GPRC6A: variants seen among roughly 807,000 people sequenced by gnomAD.
GPRC6A encodes the protein G protein-coupled receptor family C group 6 member A.
A neutral mutation model predicts 47.0 loss-of-function variants in GPRC6A; 54 were observed. The observed-to-expected ratio is 1.15, with a 90% CI of 0.92 to 1.44. The LOEUF (loss-of-function observed/expected upper bound fraction) is 1.44. Among genes scored for constraint, GPRC6A ranks in the 40% most tolerant of loss-of-function variants. The pLI is 0.00. For missense variants in GPRC6A, 1,112 were observed against 1,105.5 expected (o/e 1.01, Z -0.08); for synonymous variants, 347 against 377.1 (o/e 0.92, Z 0.93).
Position 116,792,847 on chromosome 6 carries a change from G to T in GPRC6A, c.2076C>A (p.Pro692=). 1.2e-6 allele frequency: 2 copies of T among 1,614,054 alleles called. No homozygotes were observed. The highest frequency in any genetic ancestry group is 1.7e-6 in the Non-Finnish European group (2 of 1,179,972). ...LKILLAFSFD[P]KLQKFLKCLY... is the part of the protein sequence containing the mutation. ...GGCACTTCAGAAATTTCTGTAATTT[G>T]GGATCAAAGCTGAAGGCTAGCAAAA... The change falls in exon 6 of 6, where the codon CCC becomes CCA. Residue 692 remains proline (P), a synonymous_variant. Coordinates refer to ENST00000310357, the MANE Select transcript of GPRC6A (RefSeq NM_148963.4).
intron 3 of GPRC6A, among the ~76,000 whole-genome samples, chr6:116,801,835 C>A (rs1459921630): frequency 1.3e-5 from 2 of 151,890 alleles, no homozygotes; most frequent in African/African-American, 4.8e-5. Context: ...TTTAAAGAAG[C>A]AGGATATCAG....
chr6:116,803,077 C>T (rs1193646049), intron 3 of GPRC6A, among the ~76,000 whole-genome samples: 1 of 152,072 alleles, frequency 6.6e-6, no homozygotes, highest in East Asian at 1.9e-4. Context: ...CTTACTCCCA[C>T]CAGACCTCCA....
At position 116,792,120 on chromosome 6, in the gene GPRC6A, T is replaced by C. The variant is rs753246878; in HGVS notation, c.*22A>G. Reference sequence around the variant, plus strand: ...ACCCTGGAAACATTTTATTCTGGAATGTGGCATCTCCTAAGGCTTATTCAT... The same window carrying C: ...ACCCTGGAAACATTTTATTCTGGAACGTGGCATCTCCTAAGGCTTATTCAT... On this transcript the variant is annotated 3_prime_UTR_variant, in exon 6 of 6. Coordinates refer to ENST00000310357, the MANE Select transcript of GPRC6A (RefSeq NM_148963.4). The C allele has an allele frequency of 3.8e-6, 6 of 1,570,278 alleles. No individual in the cohort carries two copies. Among genetic ancestry groups the C allele is most frequent in the Non-Finnish European group, 4.3e-6 (5 of 1,154,946 alleles).
At chr6:116,799,583 G>A (rs762144083) in intron 4 of GPRC6A, among the ~76,000 whole-genome samples, 3 of 152,170 alleles carry the variant, frequency 2.0e-5, no homozygotes, top group Non-Finnish European at 4.4e-5. Flanking sequence ...TCGATGGATT[G>A]AAGAGGATTC....
In GPRC6A at chr6:116,792,608, T is replaced by C. The variant is rs146895917; in HGVS notation, c.2315A>G (p.Lys772Arg). The change falls in exon 6 of 6, where the codon AAA (lysine) becomes AGA (arginine). Residue 772 changes from lysine (K) to arginine (R), a missense_variant. Coordinates refer to ENST00000310357, the MANE Select transcript of GPRC6A (RefSeq NM_148963.4). ...LAFICFIFAF[K>R]GKYENYNEAK... is the part of the protein sequence containing the mutation. Reference sequence around the variant, plus strand: ...TTCATTGTAATTCTCATATTTGCCTTTGAAAGCAAATATGAAGCAAATGAA... The same window carrying C: ...TTCATTGTAATTCTCATATTTGCCTCTGAAAGCAAATATGAAGCAAATGAA... 9.2e-6 allele frequency: 14 copies of C among 1,522,536 alleles called. No individual in the cohort carries two copies. The highest frequency in any genetic ancestry group is 1.2e-5 in the Non-Finnish European group (14 of 1,128,026). The allele number at this position is 1,522,536 out of a possible 1,614,324, so 94.3% of individuals were successfully genotyped here. A position where few individuals can be genotyped will look rare whatever the true frequency, so the allele number is the denominator to read the frequency against.
intron 3 of GPRC6A, among the ~76,000 whole-genome samples, chr6:116,804,385 G>A (rs1772774616): frequency 6.6e-6 from 1 of 152,072 alleles, no homozygotes; most frequent in African/African-American, 2.4e-5. Context: ...TTAAATATTA[G>A]TGAATTTTGC....
rs549099309 is a variant in GPRC6A at position 116,795,914 on chromosome 6, T to TA, written c.1549-80dup. ...CTAATCGATTATCCTCGGCTTAACT[T>TA]AAAGATATATTTACTAAATACTATT... On this transcript the variant is annotated intron_variant, in intron 4 of 5. Coordinates refer to ENST00000310357, the MANE Select transcript of GPRC6A (RefSeq NM_148963.4). 1.9e-5 allele frequency: 17 copies of TA among 915,296 alleles called. No homozygotes were observed. In the East Asian group the frequency reaches 4.0e-4, roughly 22 times the overall value. 56.7% of individuals were successfully genotyped at this position (915,296 alleles called of 1,614,324 possible).
intron 3 of GPRC6A, among the ~76,000 whole-genome samples, chr6:116,803,853 T>G (rs1027204705): frequency 6.6e-6 from 1 of 152,144 alleles, no homozygotes; most frequent in African/African-American, 2.4e-5. Flanking sequence ...GTCTCACTTA[T>G]GTACTTCTCT....
intron 1 of GPRC6A, among the ~76,000 whole-genome samples, chr6:116,823,577 C>T (rs1773578809): frequency 6.6e-6 from 1 of 152,120 alleles, no homozygotes; most frequent in African/African-American, 2.4e-5. Flanking sequence ...CTGGCCATTA[C>T]CCAGTTCCAG....
intron 1 of GPRC6A, among the ~76,000 whole-genome samples, chr6:116,826,521 A>G (rs1009748284): frequency 6.6e-6 from 1 of 151,958 alleles, no homozygotes; most frequent in African/African-American, 2.4e-5. Context: ...ATTACTAAAA[A>G]GACAAAAACA....
intron 4 of GPRC6A, 30 bp from the exon 5 acceptor site, chr6:116,795,865 A>G (rs768708671): frequency 1.0e-5 from 15 of 1,481,924 alleles, no homozygotes; most frequent in Admixed American, 3.8e-5. Flanking sequence ...AAAAATCACA[A>G]GTAAATTTGT....
chr6:116,806,271 G>T (rs1226501900), intron 3 of GPRC6A, 99 bp downstream of exon 3: 4 of 756,552 alleles, frequency 5.3e-6, no homozygotes, highest in Non-Finnish European at 9.0e-6. Flanking sequence ...AAAGGAATAG[G>T]ATTAAGAGCA....
intron 4 of GPRC6A, among the ~76,000 whole-genome samples, chr6:116,797,067 T>C (rs1172682969): frequency 1.3e-5 from 2 of 151,032 alleles, no homozygotes; most frequent in Non-Finnish European, 2.9e-5. Flanking sequence ...CAGAGTGTGA[T>C]GTTCCCCTTC....
intron 1 of GPRC6A, among the ~76,000 whole-genome samples, chr6:116,817,114 C>A (rs1340967688): frequency 6.6e-6 from 1 of 152,116 alleles, no homozygotes; most frequent in African/African-American, 2.4e-5. Context: ...ACAGCAGTAA[C>A]CTCTGCAGAC....
chr6:116,807,022 A>C lies in GPRC6A; in HGVS notation c.683T>G (p.Phe228Cys), dbSNP rs200283417. The C allele has an allele frequency of 4.3e-5, 70 of 1,613,784 alleles. 1 individual carries two copies. In the African/African-American group the frequency reaches 8.1e-4, roughly 19 times the overall value. ...GTTATTTGCTTCAGCCTGAATTATA[A>C]AAGTGTTAAGAGCCAATCGTCCATA... is the stretch of plus-strand genomic sequence containing the variant. ...DDYGRLALNT[F>C]IIQAEANNVC... Residue 228 changes from phenylalanine to cysteine, a missense_variant, in exon 3 of 6, where the codon TTT becomes TGT. Transcript: ENST00000310357.
intron 1 of GPRC6A, among the ~76,000 whole-genome samples, chr6:116,816,157 T>G (rs1773198739): frequency 6.6e-6 from 1 of 152,232 alleles, no homozygotes; most frequent in African/African-American, 2.4e-5. Context: ...CTCACCAGTC[T>G]CCCAGTGTCT....
intron 1 of GPRC6A, among the ~76,000 whole-genome samples, chr6:116,817,311 C>A (rs868073120): frequency 1.3e-5 from 2 of 152,042 alleles, no homozygotes; most frequent in East Asian, 1.9e-4. Context: ...TTCCAACAGA[C>A]CTGCAGCTGA....
intron 1 of GPRC6A, among the ~76,000 whole-genome samples, chr6:116,819,348 C>A (rs1426949865): frequency 1.3e-5 from 2 of 150,850 alleles, no homozygotes; most frequent in Non-Finnish European, 3.0e-5. Context: ...CAGCTCTGCA[C>A]CAAGTGGACC....
At chr6:116,813,558 C>T (rs1047934802) in intron 1 of GPRC6A, among the ~76,000 whole-genome samples, 8 of 152,008 alleles carry the variant, frequency 5.3e-5, no homozygotes, top group Non-Finnish European at 8.8e-5. Flanking sequence ...TAGCCATATG[C>T]AGAAAGCTGA....
Sources: allele counts gnomAD v4.1 joint callset (sites outside exome capture counted in the v4.1 genomes callset), GRCh38; gene constraint gnomAD v4.1.1; transcripts MANE v1.5; gene names NCBI Gene and HGNC (gene_info 2026-07-23, HGNC 2026-07-21).